Variants in SH2D3C observed in about 807,000 individuals in gnomAD.
SH2D3C encodes SH2 domain-containing protein 3C.
A neutral mutation model predicts 75.2 loss-of-function variants in SH2D3C; 25 were observed. The observed-to-expected ratio is 0.33, with a 90% confidence interval of 0.24 to 0.46. The LOEUF (loss-of-function observed/expected upper bound fraction) is 0.46. Among genes scored for constraint, SH2D3C ranks in the 20% least tolerant of loss-of-function variants. The probability of loss-of-function intolerance (pLI) is 1.00; values close to 1 mark genes in which losing one functional copy is unlikely to be tolerated. For missense variants in SH2D3C, 933 were observed against 1,165.3 expected, an observed-to-expected ratio of 0.80 and a Z score of 2.90; for synonymous variants, 450 against 473.7, an observed-to-expected ratio of 0.95 and a Z score of 0.65.
chr9:127,774,339 C>T lies in SH2D3C; in HGVS notation c.166G>A (p.Asp56Asn). ...EPDTFEATQD[D>N]MVTVPKSPPA... ...GGACTCTTGGGCACCGTCACCATGT[C>T]ATCCTGCGTGGCTTCAAAGGTGTCA... The change falls in exon 2 of 12, where the codon GAC becomes AAC. Residue 56 changes from aspartate to asparagine, a missense_variant. By Grantham distance (23) the Asp-to-Asn change is conservative. Transcript: ENST00000314830. This position sits in a 1 kb window ranked among gnomAD's most constrained non-coding sequence, Gnocchi z 4.3. The T allele has an allele frequency of 6.2e-7, 1 of 1,613,988 alleles. No individual in the cohort carries two copies. Among genetic ancestry groups the T allele is most frequent in the Non-Finnish European group, 8.5e-7 (1 of 1,179,956 alleles).
Position 127,749,458 on chromosome 9 carries a change from G to A in SH2D3C, c.892C>T (p.Arg298Cys), listed in dbSNP as rs143231219. 832 of 1,614,164 alleles carry A rather than the reference G, an allele frequency of 5.2e-4. 4 individuals are homozygous for A. Among genetic ancestry groups the A allele is most frequent in the East Asian group, 1.4e-3 (62 of 44,882 alleles). ...ESFDHVPALV[R>C]YHVGSRKAVS... is the part of the protein sequence containing the mutation. ...GCCTTGCGGCTGCCCACATGATAGC[G>A]CACGAGGGCGGGCACGTGGTCAAAG... is the stretch of plus-strand genomic sequence containing the variant. Residue 298 changes from arginine (R) to cysteine (C), a missense_variant, in exon 5 of 12, where the codon CGC becomes TGC. Coordinates refer to ENST00000314830, the MANE Select transcript of SH2D3C (RefSeq NM_170600.3). The surrounding 1 kb of genome is among the most constrained non-coding windows in gnomAD (Gnocchi z 5.9).
At chr9:127,765,795 A>C (rs894591447) in intron 2 of SH2D3C, among the ~76,000 whole-genome samples, 1 of 152,178 alleles carries the variant, frequency 6.6e-6, no homozygotes, top group African/African-American at 2.4e-5. Context: ...TCCACTAATT[A>C]ATTTATTTAT....
intron 5 of SH2D3C, among the ~76,000 whole-genome samples, chr9:127,748,686 G>A (rs1421529393): frequency 6.6e-6 from 1 of 152,226 alleles, no homozygotes; most frequent in African/African-American, 2.4e-5. Flanking sequence ...CAGCTGCTGT[G>A]GCTTTTCCCA....
At chr9:127,770,293 G>A (rs1168928206) in intron 2 of SH2D3C, among the ~76,000 whole-genome samples, 2 of 152,090 alleles carry the variant, frequency 1.3e-5, no homozygotes, top group Non-Finnish European at 2.9e-5. Flanking sequence ...TGTCTCCCCG[G>A]GGTGGGGGAG....
chr9:127,752,801 G>T (rs2131765105), intron 3 of SH2D3C, among the ~76,000 whole-genome samples: 1 of 152,286 alleles, frequency 6.6e-6, no homozygotes, highest in East Asian at 1.9e-4. Flanking sequence ...GGGAGGCCTT[G>T]CAGACACTGA....
At chr9:127,776,619 T>G (rs976677909) in intron 1 of SH2D3C, among the ~76,000 whole-genome samples, 1 of 152,214 alleles carries the variant, frequency 6.6e-6, no homozygotes. Flanking sequence ...CTCCGGCATT[T>G]TCCACATCCT....
chr9:127,761,614 C>T lies in SH2D3C; in HGVS notation c.552G>A (p.Val184=), dbSNP rs370934066. 2 of 1,611,408 alleles carry T rather than the reference C, an allele frequency of 1.2e-6. No individual in the cohort carries two copies. The highest frequency in any genetic ancestry group is 1.7e-6 in the Non-Finnish European group (2 of 1,178,484). Residue 184 remains valine, a synonymous_variant, in exon 3 of 12, where the codon GTG becomes GTA. Coordinates refer to ENST00000314830, the MANE Select transcript of SH2D3C (RefSeq NM_170600.3). ...AGEPEAGSDY[V]KFSKEKYILD... is the part of the protein sequence containing the mutation. ...ACCCCTGGCCAGCCCCTCCTACCTT[C>T]ACATAGTCGCTGCCAGCCTCTGGCT...
intron 8 of SH2D3C, among the ~76,000 whole-genome samples, chr9:127,742,209 GTTT>G (rs1320008977): frequency 6.6e-6 from 1 of 152,152 alleles, no homozygotes. Flanking sequence ...ACGCAGAGTA[GTTT>G]TTTGTTTTGT....
intron 9 of SH2D3C, among the ~76,000 whole-genome samples, chr9:127,740,603 GA>G (rs34142744): frequency 9.9e-5 from 15 of 152,190 alleles, no homozygotes; most frequent in Non-Finnish European, 1.8e-4. Flanking sequence ...AGGTTATTCT[GA>G]AAAAAAGTGG....
chr9:127,756,410 C>T (rs1307101377), intron 3 of SH2D3C, among the ~76,000 whole-genome samples: 9 of 152,236 alleles, frequency 5.9e-5, no homozygotes, highest in Admixed American at 5.9e-4. Context: ...GGTCCAAATC[C>T]TTCTGACAGG....
chr9:127,755,876 C>T (rs1439223789), intron 3 of SH2D3C, among the ~76,000 whole-genome samples: 1 of 152,252 alleles, frequency 6.6e-6, no homozygotes, highest in African/African-American at 2.4e-5. Flanking sequence ...ACCTGTCAAA[C>T]GCAGCTAAAG....
chr9:127,753,481 G>C (rs1245266895), intron 3 of SH2D3C, among the ~76,000 whole-genome samples: 1 of 152,166 alleles, frequency 6.6e-6, no homozygotes, highest in Non-Finnish European at 1.5e-5. Flanking sequence ...GTTTGCACAG[G>C]TGCTCAGGAG....
In SH2D3C at chr9:127,742,982, G is replaced by A. The variant is rs372223305; in HGVS notation, c.1801-18C>T. On this transcript the variant is annotated intron_variant, in intron 7 of 11. Coordinates refer to ENST00000314830, the MANE Select transcript of SH2D3C (RefSeq NM_170600.3). The stretch of plus-strand genomic sequence containing the variant: ...CTAGCAACCTGCAAAGACGCCCAGA[G>A]GGCTGATTAATATCCTGTCAGGGCT... 6.0e-4 allele frequency: 951 copies of A among 1,587,586 alleles called. 1 individual carries two copies. The highest frequency in any genetic ancestry group is 7.7e-4 in the Non-Finnish European group (895 of 1,156,890).
intron 2 of SH2D3C, among the ~76,000 whole-genome samples, chr9:127,763,369 A>T (rs1208644764): frequency 2.0e-5 from 3 of 152,176 alleles, no homozygotes; most frequent in Non-Finnish European, 4.4e-5. Context: ...TGTCTAAATC[A>T]CCACTGAGAC....
chr9:127,767,032 C>T, intron 2 of SH2D3C: 3 of 1,536,196 alleles, frequency 2.0e-6, no homozygotes, highest in Admixed American at 2.0e-5. Context: ...GGATTCCCTG[C>T]CGGGAAGGCT....
At position 127,739,026 on chromosome 9, in the gene SH2D3C, G is replaced by A. The variant is rs900163169; in HGVS notation, c.2408-105C>T. ...TAGGGACCTCCCCTCAACTCCGCCA[G>A]GGATCCAACAAGGTTTGTGAATCAA... On this transcript the variant is annotated intron_variant, in intron 11 of 11. Coordinates refer to ENST00000314830, the MANE Select transcript of SH2D3C (RefSeq NM_170600.3). This position sits in a 1 kb window ranked among gnomAD's most constrained non-coding sequence, Gnocchi z 4.3. 3 of 1,037,904 alleles carry A rather than the reference G, an allele frequency of 2.9e-6. No individual in the cohort carries two copies. In the African/African-American group the frequency reaches 5.0e-5, roughly 17 times the overall value. 64.3% of individuals were successfully genotyped at this position (1,037,904 alleles called of 1,614,324 possible).
intron 6 of SH2D3C, 44 bp downstream of exon 6, chr9:127,747,103 C>A: frequency 6.3e-7 from 1 of 1,597,886 alleles, no homozygotes; most frequent in Non-Finnish European, 8.5e-7. Flanking sequence ...AAGTCTTCAA[C>A]AACAGATTCC....
rs900865439 is a variant in SH2D3C at position 127,742,843 on chromosome 9, T to C, written c.1916+6A>G. The C allele has an allele frequency of 6.2e-7, 1 of 1,609,302 alleles. No individual in the cohort carries two copies. Among genetic ancestry groups the C allele is most frequent in the African/African-American group, 1.3e-5 (1 of 74,924 alleles). On this transcript the variant is annotated splice_donor_region_variant and intron_variant, in intron 8 of 11. Transcript: ENST00000314830. ...CGCGAGTCCCCGGGTGCCGGCGCTG[T>C]CTCACCTTTCCAGCAGGTCTAGGCG...
At chr9:127,760,401 G>A (rs532384470) in intron 3 of SH2D3C, among the ~76,000 whole-genome samples, 1 of 152,142 alleles carries the variant, frequency 6.6e-6, no homozygotes, top group Admixed American at 6.5e-5. Context: ...CATAATATCA[G>A]GTTGGTGCAA....
Sources: gnomAD v4.1 joint callset for allele counts (sites outside exome capture counted in the v4.1 genomes callset) on GRCh38, gnomAD v4.1.1 for gene constraint, Gnocchi (gnomAD v3.1) non-coding constraint, MANE v1.5 for transcripts, NCBI Gene and HGNC (gene_info 2026-07-23, HGNC 2026-07-21) for gene names.